The following EIF2AK4 variants were observed in gnomAD, a reference collection of about 807,000 sequenced individuals.
EIF2AK4 encodes the protein eukaryotic translation initiation factor 2 alpha kinase 4.
A neutral mutation model predicts 211.1 loss-of-function variants in EIF2AK4; 139 were observed. That is an observed-to-expected ratio of 0.66 (90% CI 0.57 to 0.76). The LOEUF is 0.76. EIF2AK4 is among the 30% of genes least tolerant of loss of function. The pLI, the probability that EIF2AK4 is intolerant of heterozygous loss-of-function variation, is 0.00. For synonymous variants in EIF2AK4, 710 were observed against 751.3 expected (o/e 0.94, Z 0.90); for missense variants, 1,664 against 2,043.8 (o/e 0.81, Z 3.58).
chr15:39,967,367 C>G lies in EIF2AK4; in HGVS notation c.1041C>G (p.Phe347Leu). Residue 347 changes from phenylalanine to leucine, a missense_variant, in exon 9 of 39, where the codon TTC (phenylalanine) becomes TTG (leucine). Around this residue, in one of 7 missense-constraint regions of EIF2AK4, gnomAD observed 641 missense variants for 729.6 expected, o/e 0.88. Transcript: ENST00000263791. ...KKQIQGTETEFNSLVKLSHPN... is the reference protein window; with the variant it reads ...KKQIQGTETELNSLVKLSHPN... ...AGATTCAAGGAACAGAAACAGAATT[C>G]AACTCACTGGTAAAATTGAGCCATC... The G allele has an allele frequency of 1.3e-6, 2 of 1,585,782 alleles. No homozygotes were observed. The highest frequency in any genetic ancestry group is 1.7e-6 in the Non-Finnish European group (2 of 1,160,480).
At chr15:39,956,040 C>T (rs2034387612) in intron 6 of EIF2AK4, among the ~76,000 whole-genome samples, 2 of 129,242 alleles carry the variant, frequency 1.5e-5, no homozygotes, top group South Asian at 4.8e-4. Context: ...GTGTCTCGCT[C>T]TGTCACCCAG....
Position 40,035,297 on chromosome 15 carries a change from C to CCAT in EIF2AK4, c.*215_*217dup, listed in dbSNP as rs898853623. ...CCAGCCTGAGCAACAAAGCAAGACC[C>CCAT]CATCTCTATAAAAACTAAAAAAATT... On this transcript the variant is annotated 3_prime_UTR_variant, in exon 39 of 39. Transcript: ENST00000263791. 54 of 332,942 alleles carry CCAT rather than the reference C, an allele frequency of 1.6e-4. No individual in the cohort carries two copies. The highest frequency in any genetic ancestry group is 1.1e-3 in the African/African-American group (50 of 46,874). 20.6% of individuals were successfully genotyped at this position (332,942 alleles called of 1,614,324 possible). A position where few individuals can be genotyped will look rare whatever the true frequency, so the allele number is the denominator to read the frequency against.
intron 27 of EIF2AK4, among the ~76,000 whole-genome samples, chr15:40,013,768 C>T (rs1186657285): frequency 6.6e-6 from 1 of 152,162 alleles, no homozygotes; most frequent in East Asian, 1.9e-4. Flanking sequence ...TGCATGGGGA[C>T]ACAGCTAAAC....
Position 39,982,702 on chromosome 15 carries a change from C to T in EIF2AK4, c.2320-3103C>T, listed in dbSNP as rs146236826. Reference sequence around the variant, plus strand: ...TAAAGCTATCCCTCCCCTAGCTCCCCACCCCCTAACAGGCAAGCCCCAATG... The same window carrying T: ...TAAAGCTATCCCTCCCCTAGCTCCCTACCCCCTAACAGGCAAGCCCCAATG... On this transcript the variant is annotated intron_variant, in intron 13 of 38. Transcript: ENST00000263791. Among the ~76,000 whole-genome samples the T allele has an allele frequency of 5.7e-3, 872 of 152,200 alleles. 13 individuals carry two copies. The highest frequency in any genetic ancestry group is 0.02 in the African/African-American group (844 of 41,500).
chr15:40,032,593 A>G (rs1324603227), intron 36 of EIF2AK4, among the ~76,000 whole-genome samples, 164 bp from the exon 37 acceptor site: 1 of 152,212 alleles, frequency 6.6e-6, no homozygotes, highest in Non-Finnish European at 1.5e-5. Context: ...TTAATTCTCC[A>G]GGGCTAAGAT....
At chr15:40,019,233 G>T (rs756358456) in intron 30 of EIF2AK4, 33 bp downstream of exon 30, 1 of 1,468,064 alleles carries the variant, frequency 6.8e-7, no homozygotes, top group African/African-American at 1.4e-5. Context: ...AGCATACTTC[G>T]AGGTGTCTTT....
At position 40,002,781 on chromosome 15, in the gene EIF2AK4, A is replaced by AAT; in HGVS notation, c.3229_3230insTA (p.Arg1077IlefsTer37). 1 of 1,614,214 alleles carries AAT rather than the reference A, an allele frequency of 6.2e-7. No individual in the cohort carries two copies. Among genetic ancestry groups the AAT allele is most frequent in the Non-Finnish European group, 8.5e-7 (1 of 1,180,034 alleles). ...GTGAAACCATCATCCGCATCTTTAAAAGACATGGTATGTACGCCCTTTTTA... is the reference window on the plus strand; with the variant it reads ...GTGAAACCATCATCCGCATCTTTAAAATAGACATGGTATGTACGCCCTTTTTA... On this transcript the variant is annotated frameshift_variant, in exon 22 of 39. Coordinates refer to ENST00000263791, the MANE Select transcript of EIF2AK4 (RefSeq NM_001013703.4). LOFTEE classifies it high-confidence loss of function.
chr15:39,965,404 G>T (rs184140693), intron 7 of EIF2AK4, among the ~76,000 whole-genome samples: 1 of 152,144 alleles, frequency 6.6e-6, no homozygotes, highest in Non-Finnish European at 1.5e-5. Flanking sequence ...GATTACAGGC[G>T]TGAGCCACCA....
intron 18 of EIF2AK4, 66 bp from the exon 19 acceptor site, chr15:39,996,898 A>T: frequency 8.6e-7 from 1 of 1,158,928 alleles, no homozygotes. Flanking sequence ...TGCTTATCCT[A>T]TAATTCCCTG....
intron 4 of EIF2AK4, 132 bp from the exon 5 acceptor site, chr15:39,953,772 C>A: frequency 1.2e-6 from 1 of 825,428 alleles, no homozygotes; most frequent in Non-Finnish European, 1.9e-6. Context: ...TACTAAGATG[C>A]TGTGTTTTCA....
At chr15:40,027,562 A>G (rs543599651) in intron 33 of EIF2AK4, among the ~76,000 whole-genome samples, 42 of 151,690 alleles carry the variant, frequency 2.8e-4, no homozygotes, top group African/African-American at 9.8e-4. Context: ...GTTCATTGAC[A>G]TGGAAAGATG....
chr15:39,938,633 A>G (rs2034101106), intron 1 of EIF2AK4, among the ~76,000 whole-genome samples: 1 of 152,234 alleles, frequency 6.6e-6, no homozygotes, highest in East Asian at 1.9e-4. Flanking sequence ...AGGATGGCAT[A>G]ATAAAAGAGT....
chr15:40,009,125 T>C (rs1188481454), intron 25 of EIF2AK4, among the ~76,000 whole-genome samples: 1 of 148,936 alleles, frequency 6.7e-6, no homozygotes, highest in East Asian at 2.0e-4. Context: ...AGTGTCTCGC[T>C]CTGTCTCCCA....
At chr15:40,001,647 A>AAG (rs1595421289) in intron 21 of EIF2AK4, among the ~76,000 whole-genome samples, 1 of 151,728 alleles carries the variant, frequency 6.6e-6, no homozygotes. Context: ...AAAAAAAAAA[A>AAG]AAAAGAAACA....
chr15:40,029,344 AG>A lies in EIF2AK4; in HGVS notation c.4503-61del, dbSNP rs1220554757. 1.8e-5 allele frequency: 29 copies of A among 1,593,480 alleles called. No homozygotes were observed. In the African/African-American group the frequency reaches 3.4e-4, roughly 19 times the overall value. ...CTCACTATACATGTAGTTCACTGTAAGTTATGTGTTGCTTGTGCCTTATTGA... is the reference window on the plus strand; with the variant it reads ...CTCACTATACATGTAGTTCACTGTAATTATGTGTTGCTTGTGCCTTATTGA... On this transcript the variant is annotated intron_variant, in intron 33 of 38. Transcript: ENST00000263791.
rs1041149078 is a variant in EIF2AK4, at chr15:39,976,591, G to A, written c.1996G>A (p.Gly666Arg). The A allele has an allele frequency of 6.2e-7, 1 of 1,610,110 alleles. No individual in the cohort carries two copies. The highest frequency in any genetic ancestry group is 8.5e-7 in the Non-Finnish European group (1 of 1,178,786). Residue 666 changes from glycine (G) to arginine (R), a missense_variant, in exon 12 of 39, where the codon GGG becomes AGG. Gly to Arg is a moderately radical substitution (Grantham distance 125). Around this residue, in one of 7 missense-constraint regions of EIF2AK4, gnomAD observed 206 missense variants for 201.9 expected, o/e 1.02. Coordinates refer to ENST00000263791, the MANE Select transcript of EIF2AK4 (RefSeq NM_001013703.4). Reference sequence around the variant, plus strand: ...GCGGCACGAGCGGCCGGCGGGACCGGGGACGCCGCCCCCGGACTCCGGGCC... The same window carrying A: ...GCGGCACGAGCGGCCGGCGGGACCGAGGACGCCGCCCCCGGACTCCGGGCC... Reference protein sequence around the residue: ...IERHERPAGPGTPPPDSGPLA... With the variant: ...IERHERPAGPRTPPPDSGPLA...
chr15:39,993,625 G>A (rs1394590863), intron 18 of EIF2AK4, among the ~76,000 whole-genome samples: 1 of 152,266 alleles, frequency 6.6e-6, no homozygotes, highest in Admixed American at 6.5e-5. Flanking sequence ...AGGAAGGCTA[G>A]TGTGGCCACA....
At chr15:40,033,177 C>T (rs568547018) in intron 37 of EIF2AK4, among the ~76,000 whole-genome samples, 10 of 152,212 alleles carry the variant, frequency 6.6e-5, no homozygotes, top group South Asian at 2.1e-4. Flanking sequence ...TTACAGAGTA[C>T]GGAAGTAGAG....
At chr15:39,987,477 G>A (rs2034882261) in intron 14 of EIF2AK4, among the ~76,000 whole-genome samples, 1 of 152,192 alleles carries the variant, frequency 6.6e-6, no homozygotes, top group Admixed American at 6.5e-5. Context: ...TCTGATATGT[G>A]AATACACTCA....
Sources: gnomAD v4.1 joint callset for allele counts (sites outside exome capture counted in the v4.1 genomes callset) on GRCh38, gnomAD v4.1.1 for gene constraint, gnomAD v4.1.1 regional missense constraint, MANE v1.5 for transcripts, NCBI Gene and HGNC (gene_info 2026-07-23, HGNC 2026-07-21) for gene names.